CEP128: variants seen among roughly 807,000 people sequenced by gnomAD.
CEP128 encodes the protein centrosomal protein 128, also known as centrosomal protein 128kDa.
Under a neutral mutation model 156.7 loss-of-function variants are expected in CEP128, and 132 were observed. That is an observed-to-expected ratio of 0.84 (90% CI 0.73 to 0.97). CEP128 has a LOEUF of 0.97. CEP128 is among the 50% of genes least tolerant of loss of function. The pLI is 0.00. For synonymous variants in CEP128, 469 were observed against 448.9 expected (o/e 1.04, Z -0.57); for missense variants, 1,252 against 1,281.9 (o/e 0.98, Z 0.36).
chr14:80,951,317 T>C (rs186868072), intron 2 of CEP128, among the ~76,000 whole-genome samples: 11 of 152,194 alleles, frequency 7.2e-5, no homozygotes, highest in Admixed American at 3.9e-4. Context: ...TATGTATGAG[T>C]AAAATGTATG....
rs1206186439 is a variant in CEP128, at chr14:80,643,578, C to T, written c.2807-63155G>A. On this transcript the variant is annotated intron_variant, in intron 19 of 24. Coordinates refer to ENST00000555265, the MANE Select transcript of CEP128 (RefSeq NM_152446.5). ...TACAAAAATTAGTCGGGTGCAGCGG[C>T]GAGCACCTGTAATCCCAGCTACTCG... is the stretch of plus-strand genomic sequence containing the variant. Among the ~76,000 whole-genome samples, 3 of 152,028 alleles carry T rather than the reference C, an allele frequency of 2.0e-5. No homozygotes were observed. In the East Asian group the frequency reaches 5.8e-4, roughly 29 times the overall value.
intron 16 of CEP128, among the ~76,000 whole-genome samples, chr14:80,773,132 C>G (rs1464538110): frequency 3.3e-5 from 5 of 152,096 alleles, no homozygotes; most frequent in African/African-American, 4.8e-5. Flanking sequence ...ATAATTCCGC[C>G]TAGAATATCC....
At chr14:80,867,477 C>A (rs1595520956) in intron 8 of CEP128, among the ~76,000 whole-genome samples, 2 of 152,082 alleles carry the variant, frequency 1.3e-5, no homozygotes, top group East Asian at 3.9e-4. Context: ...GTACAGACAA[C>A]AAAATCAGAA....
intron 19 of CEP128, among the ~76,000 whole-genome samples, chr14:80,584,904 T>G (rs1891752231): frequency 6.6e-6 from 1 of 152,228 alleles, no homozygotes; most frequent in African/African-American, 2.4e-5. Context: ...GCTGCTCTGC[T>G]CCCTTGCTCA....
intron 19 of CEP128, among the ~76,000 whole-genome samples, chr14:80,643,343 C>A (rs568852358): frequency 6.6e-6 from 1 of 152,122 alleles, no homozygotes; most frequent in African/African-American, 2.4e-5. Flanking sequence ...TGGAGGCCAG[C>A]GGCACCACAG....
downstream of CEP128, among the ~76,000 whole-genome samples, chr14:80,491,797 A>T (rs2140159758): frequency 6.6e-6 from 1 of 152,322 alleles, no homozygotes; most frequent in African/African-American, 2.4e-5. Flanking sequence ...GTTCAACAGG[A>T]CTTCTCACAA....
intron 21 of CEP128, among the ~76,000 whole-genome samples, chr14:80,546,015 A>C (rs1399038645): frequency 6.6e-6 from 1 of 152,200 alleles, no homozygotes; most frequent in African/African-American, 2.4e-5. Context: ...CCTACATGTA[A>C]AATAACTGAG....
chr14:80,808,801 G>A (rs111404985), intron 13 of CEP128, among the ~76,000 whole-genome samples: 4 of 151,942 alleles, frequency 2.6e-5, no homozygotes, highest in African/African-American at 9.6e-5. Context: ...GCTACCACAT[G>A]CACCCAGAAT....
intron 13 of CEP128, among the ~76,000 whole-genome samples, chr14:80,825,423 T>C (rs557265452): frequency 5.9e-5 from 9 of 152,302 alleles, no homozygotes; most frequent in African/African-American, 1.9e-4. Flanking sequence ...TTAATTTATA[T>C]GTAAAAAACA....
At chr14:80,853,160 G>A (rs535272608) in intron 9 of CEP128, among the ~76,000 whole-genome samples, 11 of 151,534 alleles carry the variant, frequency 7.3e-5, no homozygotes, top group South Asian at 2.1e-4. Context: ...TTCTTAATGC[G>A]ACAAAGGTTA....
chr14:80,763,073 A>ATCAGG (rs1195870260), intron 16 of CEP128, among the ~76,000 whole-genome samples: 2 of 152,188 alleles, frequency 1.3e-5, no homozygotes, highest in African/African-American at 4.8e-5. Flanking sequence ...CTATAGACAG[A>ATCAGG]TCTAGATGGG....
At chr14:80,877,994 G>A (rs1184820049) in intron 8 of CEP128, among the ~76,000 whole-genome samples, 1 of 152,022 alleles carries the variant, frequency 6.6e-6, no homozygotes, top group East Asian at 1.9e-4. Flanking sequence ...CAGAGAAGTG[G>A]CACCCCGCAT....
intron 19 of CEP128, among the ~76,000 whole-genome samples, chr14:80,666,004 A>G (rs1387248971): frequency 6.6e-6 from 1 of 152,198 alleles, no homozygotes; most frequent in Admixed American, 6.5e-5. Context: ...CCTTTGAGGT[A>G]TGAGTAATTC....
At chr14:80,570,705 C>G (rs906067002) in intron 20 of CEP128, among the ~76,000 whole-genome samples, 1 of 151,972 alleles carries the variant, frequency 6.6e-6, no homozygotes, top group Non-Finnish European at 1.5e-5. Flanking sequence ...CATATGCATA[C>G]AGTGAGGTTT....
At chr14:80,548,603 C>A (rs1890086211) in intron 21 of CEP128, among the ~76,000 whole-genome samples, 1 of 152,164 alleles carries the variant, frequency 6.6e-6, no homozygotes, top group Admixed American at 6.5e-5. Context: ...TTGTGCTTTA[C>A]AATATACATT....
chr14:80,890,897 G>A (rs941453443), intron 8 of CEP128, among the ~76,000 whole-genome samples: 10 of 152,018 alleles, frequency 6.6e-5, no homozygotes, highest in African/African-American at 2.4e-4. Flanking sequence ...AAAAGAAACA[G>A]GCATTTCTCA....
rs181343332 is a variant in CEP128 at position 80,694,742 on chromosome 14, C to T, written c.2806+48333G>A. On this transcript the variant is annotated intron_variant, in intron 19 of 24. Coordinates refer to ENST00000555265, the MANE Select transcript of CEP128 (RefSeq NM_152446.5). ...GGGAGGGGAACATCACACACTGGGG[C>T]CTGTCAGGGGGTAGGGGGCAAGGGG... 5.7e-3 allele frequency among the ~76,000 whole-genome samples: 865 copies of T among 151,262 alleles called. 8 individuals are homozygous for T. The highest frequency in any genetic ancestry group is 8.6e-3 in the Non-Finnish European group (584 of 67,820).
intron 8 of CEP128, among the ~76,000 whole-genome samples, chr14:80,863,912 A>G (rs953942773): frequency 1.3e-5 from 2 of 152,198 alleles, no homozygotes; most frequent in Non-Finnish European, 2.9e-5. Flanking sequence ...ATAAATAAAC[A>G]TAAGTTTACT....
At chr14:80,773,857 C>A (rs1242580822) in intron 16 of CEP128, among the ~76,000 whole-genome samples, 1 of 151,974 alleles carries the variant, frequency 6.6e-6, no homozygotes, top group Admixed American at 6.6e-5. Flanking sequence ...GCAAAAGGAA[C>A]AATAAATTTT....
Sources: allele counts gnomAD v4.1 joint callset (sites outside exome capture counted in the v4.1 genomes callset), GRCh38; gene constraint gnomAD v4.1.1; transcripts MANE v1.5; gene names NCBI Gene and HGNC (gene_info 2026-07-23, HGNC 2026-07-21).